SYT12: variants seen among roughly 807,000 people sequenced by gnomAD.
SYT12 encodes synaptotagmin-12.
In SYT12, 27 loss-of-function variants were observed where a neutral mutation model predicts 39.5. The ratio of observed to expected loss-of-function variants is 0.68; its 90% CI spans 0.50 to 0.94. SYT12 has a LOEUF of 0.94. Ranked by LOEUF, SYT12 falls within the 40% of genes least tolerant of loss-of-function variation. The pLI, the probability that SYT12 is intolerant of heterozygous loss-of-function variation, is 0.00. For missense variants in SYT12, 536 were observed against 572.6 expected (o/e 0.94, Z 0.65); for synonymous variants, 233 against 239.7 (o/e 0.97, Z 0.26).
At position 67,044,587 on chromosome 11, in the gene SYT12, C is replaced by T; in HGVS notation, c.838-6C>T. 1 of 1,611,850 alleles carries T rather than the reference C, an allele frequency of 6.2e-7. No individual in the cohort carries two copies. Among genetic ancestry groups the T allele is most frequent in the South Asian group, 1.1e-5 (1 of 90,686 alleles). On this transcript the variant is annotated splice_region_variant and splice_polypyrimidine_tract_variant and intron_variant, in intron 5 of 7. Transcript: ENST00000527043. ...AAGCCCTCTGAGCCACCTGTCTGTCCCCCAGGCCGCCGATGCTGTGGGGGA... is the reference window on the plus strand; with the variant it reads ...AAGCCCTCTGAGCCACCTGTCTGTCTCCCAGGCCGCCGATGCTGTGGGGGA...
intron 1 of SYT12, 167 bp from the exon 2 acceptor site, chr11:67,029,955 G>A (rs1950235067): frequency 1.7e-6 from 1 of 593,690 alleles, no homozygotes; most frequent in South Asian, 2.1e-5. Context: ...CTTGAAAAGA[G>A]CTTTAAACAT....
upstream of SYT12, among the ~76,000 whole-genome samples, chr11:67,021,661 C>T (rs1321375843): frequency 1.3e-5 from 2 of 152,128 alleles, no homozygotes; most frequent in African/African-American, 4.8e-5. Flanking sequence ...TGTCTGACTC[C>T]CAACTCCCTT....
At chr11:67,014,592 TG>T (rs1448662714) in intron 3 of SYT12, among the ~76,000 whole-genome samples, 2 of 152,052 alleles carry the variant, frequency 1.3e-5, no homozygotes, top group Non-Finnish European at 2.9e-5. Flanking sequence ...ACTGGGAGCT[TG>T]GGGCCTTGTG....
upstream of SYT12, among the ~76,000 whole-genome samples, chr11:67,019,845 C>T (rs975504775): frequency 3.3e-5 from 5 of 150,458 alleles, no homozygotes; most frequent in African/African-American, 7.4e-5. Context: ...TGCAGTAAGC[C>T]GTCTTTGTGC....
At chr11:67,037,276 G>A (rs1478154479) in intron 3 of SYT12, among the ~76,000 whole-genome samples, 1 of 152,016 alleles carries the variant, frequency 6.6e-6, no homozygotes, top group South Asian at 2.1e-4. Flanking sequence ...TGTGTCCTCT[G>A]AGCCAGGATT....
chr11:67,012,015 G>C (rs958285072), intron 3 of SYT12, among the ~76,000 whole-genome samples: 1 of 150,166 alleles, frequency 6.7e-6, no homozygotes, highest in Non-Finnish European at 1.5e-5. Context: ...CACCCACCTC[G>C]GCCTCCCAAA....
upstream of SYT12, among the ~76,000 whole-genome samples, chr11:67,018,595 G>A (rs573111067): frequency 5.9e-5 from 9 of 152,254 alleles, no homozygotes; most frequent in African/African-American, 2.2e-4. Context: ...GGCCGAGGCA[G>A]GCGGATCATG....
At chr11:67,019,692 G>T (rs1028797026), upstream of SYT12, among the ~76,000 whole-genome samples, 1 of 152,012 alleles carries the variant, frequency 6.6e-6, no homozygotes, top group South Asian at 2.1e-4. Context: ...GAGCCCAGGA[G>T]TTCATGACCA....
chr11:67,025,353 C>T (rs903062754), intron 1 of SYT12, among the ~76,000 whole-genome samples: 4 of 152,144 alleles, frequency 2.6e-5, no homozygotes, highest in Non-Finnish European at 4.4e-5. Context: ...AATGAGTAAG[C>T]TCTGTGCAGT....
chr11:67,039,469 C>G (rs1950455254), intron 3 of SYT12, among the ~76,000 whole-genome samples: 1 of 151,878 alleles, frequency 6.6e-6, no homozygotes, highest in Admixed American at 6.6e-5. Context: ...ACAAAATTAG[C>G]CAGACATGGT....
intron 3 of SYT12, among the ~76,000 whole-genome samples, chr11:67,012,815 AC>A (rs1439102370): frequency 4.2e-4 from 64 of 152,342 alleles, no homozygotes; most frequent in Non-Finnish European, 6.8e-4. Flanking sequence ...ATCCAAGGTC[AC>A]ACAGTGACTT....
chr11:67,019,498 T>C (rs1357098734), upstream of SYT12, among the ~76,000 whole-genome samples: 2 of 150,332 alleles, frequency 1.3e-5, no homozygotes, highest in Admixed American at 1.3e-4. Context: ...TCAGATCTCA[T>C]GAGACTTACT....
At chr11:67,028,037 G>T (rs756865330) in intron 1 of SYT12, 8 of 152,224 alleles carry the variant, frequency 5.3e-5, no homozygotes, top group Non-Finnish European at 1.0e-4. Flanking sequence ...ATGCCCACTT[G>T]CAGTGAGACA....
intron 2 of SYT12, chr11:67,032,971 G>A: frequency 6.5e-6 from 1 of 153,286 alleles, no homozygotes; most frequent in Non-Finnish European, 1.5e-5. Flanking sequence ...GGTGCTCAGT[G>A]CTGGGAGGGC....
intron 1 of SYT12, among the ~76,000 whole-genome samples, chr11:67,009,528 G>C (rs1415882348): frequency 6.6e-6 from 1 of 152,198 alleles, no homozygotes; most frequent in Non-Finnish European, 1.5e-5. Flanking sequence ...CTGGCCTAAA[G>C]TGATCCACCC....
chr11:67,045,665 G>T, intron 6 of SYT12, 79 bp from the exon 7 acceptor site: 1 of 1,563,850 alleles, frequency 6.4e-7, no homozygotes. Context: ...GGAGTTTGGA[G>T]TCGGTGGGTG....
upstream of SYT12, among the ~76,000 whole-genome samples, chr11:67,018,166 G>A (rs1045562043): frequency 3.9e-5 from 6 of 151,942 alleles, no homozygotes; most frequent in Non-Finnish European, 7.4e-5. Context: ...GGGAGACTGA[G>A]GCAGGAGAAT....
At chr11:67,048,332 G>C (rs1425814209) in intron 7 of SYT12, among the ~76,000 whole-genome samples, 1 of 151,784 alleles carries the variant, frequency 6.6e-6, no homozygotes, top group Non-Finnish European at 1.5e-5. Flanking sequence ...CTGGCAGGCA[G>C]GTGCTGCCAC....
At position 67,040,188 on chromosome 11, in the gene SYT12, C is replaced by A. The variant is rs1261839420; in HGVS notation, c.606C>A (p.Ile202=). The A allele has an allele frequency of 3.8e-6, 6 of 1,577,624 alleles. No individual in the cohort carries two copies. The highest frequency in any genetic ancestry group is 5.2e-6 in the Non-Finnish European group (6 of 1,158,406). ...TCAGCCTGCTGCCGGACGAGCAGAT[C>A]GTGGGCATTTCTCGGGTAAGTGGGG... The part of the protein sequence containing the change: ...MRVSLLPDEQ[I]VGISRIQRNA... The change falls in exon 4 of 8, where the codon ATC becomes ATA. Residue 202 remains isoleucine, a synonymous_variant. Transcript: ENST00000527043.
Sources: allele counts gnomAD v4.1 joint callset (sites outside exome capture counted in the v4.1 genomes callset), GRCh38; gene constraint gnomAD v4.1.1; transcripts MANE v1.5; gene names NCBI Gene and HGNC (gene_info 2026-07-23, HGNC 2026-07-21).